Variants in CTNND2 observed in about 807,000 individuals in gnomAD.
CTNND2 encodes the protein catenin delta 2.
A neutral mutation model predicts 144.4 loss-of-function variants in CTNND2; 22 were observed. The ratio of observed to expected loss-of-function variants is 0.15; its 90% confidence interval spans 0.11 to 0.22. The LOEUF (loss-of-function observed/expected upper bound fraction) is 0.22. Ranked by LOEUF, CTNND2 falls within the 10% of genes least tolerant of loss-of-function variation. The probability of loss-of-function intolerance (pLI) is 1.00; values close to 1 mark genes in which losing one functional copy is unlikely to be tolerated. For missense variants in CTNND2, 1,353 were observed against 1,618.8 expected, an observed-to-expected ratio of 0.84 and a Z score of 2.82; for synonymous variants, 751 against 695.6, an observed-to-expected ratio of 1.08 and a Z score of -1.25.
At chr5:11,287,691 A>G (rs1440851591) in intron 9 of CTNND2, among the ~76,000 whole-genome samples, 4 of 152,234 alleles carry the variant, frequency 2.6e-5, no homozygotes, top group South Asian at 4.1e-4. Flanking sequence ...TTTTATTAAC[A>G]TGCAAGAAGT....
At chr5:11,595,289 A>G (rs1779448967) in intron 2 of CTNND2, among the ~76,000 whole-genome samples, 1 of 152,206 alleles carries the variant, frequency 6.6e-6, no homozygotes, top group African/African-American at 2.4e-5. Context: ...CTGAAACCCC[A>G]GTGCTGCCTG....
rs28002 is a variant in CTNND2 at position 11,521,028 on chromosome 5, A to G, written c.287+43916T>C. ...GATTTTCATTGTTTTCCGATTTTCT[A>G]TATTTTGTATTTTAAGTCATAGGAA... On this transcript the variant is annotated intron_variant, in intron 3 of 21. Transcript: ENST00000304623. 8.3e-3 allele frequency among the ~76,000 whole-genome samples: 1,262 copies of G among 152,246 alleles called. 13 individuals are homozygous for G. The highest frequency in any genetic ancestry group is 0.024 in the African/African-American group (981 of 41,546).
chr5:11,811,050 C>T (rs541942581), intron 1 of CTNND2, among the ~76,000 whole-genome samples: 1 of 152,258 alleles, frequency 6.6e-6, no homozygotes, highest in African/African-American at 2.4e-5. Context: ...TATTTATAAA[C>T]CACTACTCTA....
chr5:11,166,148 A>G (rs1006537154), intron 11 of CTNND2, among the ~76,000 whole-genome samples: 2 of 151,892 alleles, frequency 1.3e-5, no homozygotes, highest in African/African-American at 4.8e-5. Flanking sequence ...TGTATTTATG[A>G]GGATTTATTT....
At chr5:11,520,587 A>T (rs1053616525) in intron 3 of CTNND2, among the ~76,000 whole-genome samples, 1 of 152,232 alleles carries the variant, frequency 6.6e-6, no homozygotes, top group African/African-American at 2.4e-5. Flanking sequence ...GATCTCAATC[A>T]TAGCAACTTG....
At chr5:11,259,030 C>T (rs748939459) in intron 9 of CTNND2, among the ~76,000 whole-genome samples, 1 of 152,148 alleles carries the variant, frequency 6.6e-6, no homozygotes, top group Non-Finnish European at 1.5e-5. Context: ...CCACAAGTTG[C>T]CCTGAAGGTA....
intron 1 of CTNND2, among the ~76,000 whole-genome samples, chr5:11,814,414 C>A (rs947765834): frequency 2.6e-5 from 4 of 152,192 alleles, no homozygotes; most frequent in Non-Finnish European, 5.9e-5. Flanking sequence ...CACTGATGGA[C>A]GTATTAACAC....
intron 2 of CTNND2, among the ~76,000 whole-genome samples, chr5:11,601,572 G>A (rs1367356755): frequency 6.6e-6 from 1 of 151,750 alleles, no homozygotes; most frequent in East Asian, 1.9e-4. Flanking sequence ...ATATTTAATT[G>A]TTCACTTCTC....
intron 11 of CTNND2, among the ~76,000 whole-genome samples, chr5:11,188,426 G>A (rs536052795): frequency 6.6e-6 from 1 of 152,298 alleles, no homozygotes; most frequent in South Asian, 2.1e-4. Flanking sequence ...CATGGACACA[G>A]GGAGGGGAAC....
intron 9 of CTNND2, among the ~76,000 whole-genome samples, chr5:11,310,398 C>T (rs1269455974): frequency 6.6e-6 from 1 of 151,900 alleles, no homozygotes; most frequent in Non-Finnish European, 1.5e-5. Context: ...TTAGTTTCTC[C>T]CTCTGCCTTC....
chr5:11,736,126 T>C (rs548422089), intron 1 of CTNND2, among the ~76,000 whole-genome samples: 8 of 152,236 alleles, frequency 5.3e-5, no homozygotes, highest in Admixed American at 1.3e-4. Context: ...TCCTTTGATG[T>C]GTCAGCCTAT....
At chr5:11,684,794 C>T (rs1326984191) in intron 2 of CTNND2, among the ~76,000 whole-genome samples, 1 of 152,186 alleles carries the variant, frequency 6.6e-6, no homozygotes, top group Non-Finnish European at 1.5e-5. Context: ...CTCAGCTGTA[C>T]TACTCGAGGA....
chr5:11,799,765 C>T (rs1791582022), intron 1 of CTNND2, among the ~76,000 whole-genome samples: 1 of 152,134 alleles, frequency 6.6e-6, no homozygotes, highest in African/African-American at 2.4e-5. Context: ...GTGATAGATA[C>T]TATTAATGTT....
intron 9 of CTNND2, among the ~76,000 whole-genome samples, chr5:11,279,459 T>C (rs1483047479): frequency 6.6e-6 from 1 of 152,102 alleles, no homozygotes; most frequent in Non-Finnish European, 1.5e-5. Flanking sequence ...CTCTGTTCCA[T>C]ATTACTTCAA....
chr5:11,510,056 G>A (rs142406938), intron 3 of CTNND2, among the ~76,000 whole-genome samples: 27 of 152,124 alleles, frequency 1.8e-4, no homozygotes, highest in Non-Finnish European at 2.9e-4. Flanking sequence ...CTCAGCCTCC[G>A]AGTAGCTGCA....
chr5:11,304,839 T>C (rs1488166942), intron 9 of CTNND2, among the ~76,000 whole-genome samples: 2 of 152,202 alleles, frequency 1.3e-5, no homozygotes, highest in Non-Finnish European at 2.9e-5. Flanking sequence ...GTTCTCTCCA[T>C]CTGCTGGGAA....
intron 16 of CTNND2, among the ~76,000 whole-genome samples, chr5:11,074,286 T>C (rs1215174116): frequency 6.6e-6 from 1 of 152,220 alleles, no homozygotes; most frequent in African/African-American, 2.4e-5. Context: ...CTATTTTAAC[T>C]GATAGGACTC....
At position 11,385,199 on chromosome 5, in the gene CTNND2, C is replaced by T; in HGVS notation, c.643G>A (p.Gly215Arg). ...GTTSRAGHLAGPEPAPPPPPP... is the reference protein window; with the variant it reads ...GTTSRAGHLARPEPAPPPPPP... ...GGCGGCGGCGGCGCGGGCTCGGGCCCCGCCAGGTGGCCGGCGCGGCTGGTC... is the reference window on the plus strand; with the variant it reads ...GGCGGCGGCGGCGCGGGCTCGGGCCTCGCCAGGTGGCCGGCGCGGCTGGTC... Residue 215 changes from glycine to arginine, a missense_variant, in exon 7 of 22, where the codon GGG becomes AGG. By Grantham distance (125) the Gly-to-Arg change is moderately radical. Around this residue, in one of 4 missense-constraint regions of CTNND2, gnomAD observed 708 missense variants for 706.4 expected, o/e 1.00. Coordinates refer to ENST00000304623, the MANE Select transcript of CTNND2 (RefSeq NM_001332.4). 1.9e-6 allele frequency: 2 copies of T among 1,053,032 alleles called. No homozygotes were observed. Among genetic ancestry groups the T allele is most frequent in the Non-Finnish European group, 2.3e-6 (2 of 875,342 alleles). 65.2% of individuals were successfully genotyped at this position (1,053,032 alleles called of 1,614,324 possible). A position where few individuals can be genotyped will look rare whatever the true frequency, so the allele number is the denominator to read the frequency against.
At chr5:11,058,109 G>A (rs1746530811) in intron 16 of CTNND2, among the ~76,000 whole-genome samples, 1 of 152,192 alleles carries the variant, frequency 6.6e-6, no homozygotes, top group African/African-American at 2.4e-5. Context: ...CAACGTGATA[G>A]AAAATAAAAT....
Sources: allele counts gnomAD v4.1 joint callset (sites outside exome capture counted in the v4.1 genomes callset), GRCh38; gene constraint gnomAD v4.1.1; regional missense constraint gnomAD v4.1.1; transcripts MANE v1.5; gene names NCBI Gene and HGNC (gene_info 2026-07-23, HGNC 2026-07-21).